Variants in ADIG observed in about 807,000 individuals in gnomAD.
ADIG encodes adipogenesis associated.
In ADIG, 12 loss-of-function variants were observed where a neutral mutation model predicts 10.7. The ratio of observed to expected loss-of-function variants is 1.12; its 90% CI spans 0.72 to 1.82. ADIG has a LOEUF of 1.82. Ranked by LOEUF, ADIG falls within the 40% of genes most tolerant of loss-of-function variation. The pLI, the probability that ADIG is intolerant of heterozygous loss-of-function variation, is 0.00. For synonymous variants in ADIG, 32 were observed against 35.6 expected (o/e 0.90, Z 0.36); for missense variants, 72 against 92.5 (o/e 0.78, Z 0.91).
At chr20:38,581,518 T>A (rs1169433153) in intron 1 of ADIG, 144 bp downstream of exon 1, 6 of 1,266,376 alleles carry the variant, frequency 4.7e-6, no homozygotes, top group Non-Finnish European at 6.6e-6. Flanking sequence ...AGTCAACTCT[T>A]AAGTGGAAAG....
chr20:38,588,438 T>C lies in ADIG; in HGVS notation c.*352T>C. The C allele has an allele frequency of 8.3e-7, 1 of 1,211,464 alleles. No individual in the cohort carries two copies. Among genetic ancestry groups the C allele is most frequent in the Non-Finnish European group, 1.1e-6 (1 of 945,212 alleles). The allele number at this position is 1,211,464 out of a possible 1,614,324, so 75.0% of individuals were successfully genotyped here. ...TATTAAAGAAGCAAGGGTCTTCCCA[T>C]ACCCGGGGGACCCCTGACAAACCTA... On this transcript the variant is annotated 3_prime_UTR_variant, in exon 3 of 3. Coordinates refer to ENST00000537425, the MANE Select transcript of ADIG (RefSeq NM_001393816.1).
At chr20:38,586,572 G>C (rs976415875) in intron 2 of ADIG, among the ~76,000 whole-genome samples, 95 of 152,054 alleles carry the variant, frequency 6.2e-4, no homozygotes, top group African/African-American at 2.2e-3. Context: ...CCTATCCTCC[G>C]CATCGTGCTG....
At chr20:38,581,423 AG>A in intron 1 of ADIG, 49 bp downstream of exon 1, 1 of 1,612,048 alleles carries the variant, frequency 6.2e-7, no homozygotes, top group Non-Finnish European at 8.5e-7. Context: ...GGAGCTAGGC[AG>A]GGGGCCAAAT....
chr20:38,585,339 C>T, intron 1 of ADIG: 1 of 1,376,494 alleles, frequency 7.3e-7, no homozygotes, highest in Non-Finnish European at 1.0e-6. Flanking sequence ...TTAACGTGTG[C>T]AGGTTTTCAA....
rs1601122185 is a variant in ADIG, at chr20:38,588,361, A to G, written c.*275A>G. On this transcript the variant is annotated 3_prime_UTR_variant, in exon 3 of 3. Coordinates refer to ENST00000537425, the MANE Select transcript of ADIG (RefSeq NM_001393816.1). Reference sequence around the variant, plus strand: ...CAGGCCCATGGGGAGAAATTGGCCAATTTAATTCAGAGGGGTCTTAAAGCA... The same window carrying G: ...CAGGCCCATGGGGAGAAATTGGCCAGTTTAATTCAGAGGGGTCTTAAAGCA... 2 of 1,298,064 alleles carry G rather than the reference A, an allele frequency of 1.5e-6. No individual in the cohort carries two copies. Among genetic ancestry groups the G allele is most frequent in the African/African-American group, 1.5e-5 (1 of 65,756 alleles). 80.4% of individuals were successfully genotyped at this position (1,298,064 alleles called of 1,614,324 possible). A position where few individuals can be genotyped will look rare whatever the true frequency, so the allele number is the denominator to read the frequency against.
intron 1 of ADIG, among the ~76,000 whole-genome samples, chr20:38,582,127 C>T (rs2088595560): frequency 1.3e-5 from 2 of 152,200 alleles, no homozygotes; most frequent in Admixed American, 1.3e-4. Flanking sequence ...AGGTCTCTTC[C>T]TGCTGGACAC....
chr20:38,583,249 C>A (rs1601119137), intron 1 of ADIG, among the ~76,000 whole-genome samples: 2 of 152,182 alleles, frequency 1.3e-5, no homozygotes, highest in African/African-American at 4.8e-5. Flanking sequence ...CTTAATAATA[C>A]TTAATAATAT....
intron 1 of ADIG, among the ~76,000 whole-genome samples, chr20:38,583,953 TG>T (rs1008591898): frequency 2.6e-5 from 4 of 152,118 alleles, no homozygotes; most frequent in Non-Finnish European, 2.9e-5. Flanking sequence ...TGTCAGGGTT[TG>T]GGGGGCTAAG....
chr20:38,585,560 C>A, intron 1 of ADIG: 1 of 1,543,316 alleles, frequency 6.5e-7, no homozygotes, highest in Non-Finnish European at 8.8e-7. Context: ...ACCCAGATCT[C>A]TCGTGATCTG....
intron 1 of ADIG, among the ~76,000 whole-genome samples, chr20:38,582,054 T>A (rs2088595166): frequency 6.6e-6 from 1 of 152,124 alleles, no homozygotes; most frequent in Admixed American, 6.5e-5. Context: ...GGCCTGGCTG[T>A]GTGGCAGGAG....
chr20:38,586,550 T>G (rs1017514528), intron 2 of ADIG, among the ~76,000 whole-genome samples: 1 of 152,138 alleles, frequency 6.6e-6, no homozygotes, highest in Non-Finnish European at 1.5e-5. Flanking sequence ...TATTCGATAT[T>G]GAAGCCCCCA....
intron 1 of ADIG, among the ~76,000 whole-genome samples, chr20:38,583,976 C>A (rs952922797): frequency 6.6e-6 from 1 of 152,086 alleles, no homozygotes; most frequent in Non-Finnish European, 1.5e-5. Flanking sequence ...GGTCAGGACA[C>A]CCAGACCTGC....
chr20:38,585,592 G>A (rs2088629238), intron 1 of ADIG: 1 of 1,487,350 alleles, frequency 6.7e-7, no homozygotes, highest in Admixed American at 2.0e-5. Context: ...ACAGTTTCCA[G>A]GTGTTTTATT....
intron 1 of ADIG, 141 bp from the exon 2 acceptor site, chr20:38,585,888 G>C (rs778351319): frequency 3.2e-5 from 26 of 801,582 alleles, no homozygotes; most frequent in South Asian, 1.6e-4. Context: ...AGGCCTCAAG[G>C]CTGGCTCATA....
chr20:38,587,124 T>C (rs558055591), intron 2 of ADIG, among the ~76,000 whole-genome samples: 1 of 152,304 alleles, frequency 6.6e-6, no homozygotes, highest in East Asian at 1.9e-4. Flanking sequence ...ACCCTGATCT[T>C]CTGCTAGCTT....
chr20:38,584,966 C>T (rs1014235360), intron 1 of ADIG, among the ~76,000 whole-genome samples: 13 of 152,164 alleles, frequency 8.5e-5, no homozygotes, highest in African/African-American at 3.1e-4. Flanking sequence ...TTAGTAGAGA[C>T]GGGGTTTCGC....
In ADIG at chr20:38,588,282, A is replaced by G; in HGVS notation, c.*196A>G. On this transcript the variant is annotated 3_prime_UTR_variant, in exon 3 of 3. Transcript: ENST00000537425. Reference sequence around the variant, plus strand: ...CAGCCCTTCTCCAGCATCACAGATGACCTCCAGCCCTGCAGGGAGCCGCTC... The same window carrying G: ...CAGCCCTTCTCCAGCATCACAGATGGCCTCCAGCCCTGCAGGGAGCCGCTC... 1 of 1,304,150 alleles carries G rather than the reference A, an allele frequency of 7.7e-7. No individual in the cohort carries two copies. Among genetic ancestry groups the G allele is most frequent in the Non-Finnish European group, 1.0e-6 (1 of 988,900 alleles). 80.8% of individuals were successfully genotyped at this position (1,304,150 alleles called of 1,614,324 possible).
At chr20:38,585,623 T>A in intron 1 of ADIG, 1 of 1,247,214 alleles carries the variant, frequency 8.0e-7, no homozygotes, top group Non-Finnish European at 1.1e-6. Context: ...GCGTGTTTCA[T>A]CACAAAACAG....
intron 1 of ADIG, among the ~76,000 whole-genome samples, chr20:38,583,967 G>A (rs972843901): frequency 2.0e-5 from 3 of 152,010 alleles, no homozygotes; most frequent in African/African-American, 7.2e-5. Context: ...GGGCTAAGGG[G>A]TCAGGACACC....
Sources: gnomAD v4.1 joint callset for allele counts (sites outside exome capture counted in the v4.1 genomes callset) on GRCh38, gnomAD v4.1.1 for gene constraint, MANE v1.5 for transcripts, NCBI Gene and HGNC (gene_info 2026-07-23, HGNC 2026-07-21) for gene names.